The following CEP72 variants were observed in gnomAD, a reference collection of about 807,000 sequenced individuals.
The protein encoded by CEP72 is centrosomal protein of 72 kDa.
In CEP72, 78 loss-of-function variants were observed where a neutral mutation model predicts 65.7. The observed-to-expected ratio is 1.19, with a 90% CI of 0.99 to 1.43. The LOEUF (loss-of-function observed/expected upper bound fraction) is 1.43. Among genes scored for constraint, CEP72 ranks in the 40% most tolerant of loss-of-function variants. CEP72 has a pLI of 0.00. For missense variants in CEP72, 914 were observed against 832.9 expected (o/e 1.10, Z -1.20); for synonymous variants, 358 against 351.7 (o/e 1.02, Z -0.20).
chr5:642,484 A>C, intron 9 of CEP72: 1 of 985,278 alleles, frequency 1.0e-6, no homozygotes, highest in Non-Finnish European at 1.2e-6. Flanking sequence ...TGTGGGACAC[A>C]GTCAGGCACA....
chr5:642,789 G>T (rs575484485), intron 9 of CEP72: 1 of 985,336 alleles, frequency 1.0e-6, no homozygotes. Flanking sequence ...GGGAGCAGCC[G>T]TGCAGGCTGG....
At chr5:612,542 T>A in intron 1 of CEP72, 99 bp downstream of exon 1, 1 of 1,261,146 alleles carries the variant, frequency 7.9e-7, no homozygotes, top group Non-Finnish European at 1.0e-6. Context: ...GCGGGACCCG[T>A]CTACGCAGGC....
chr5:626,053 G>T (rs534959792), intron 4 of CEP72, among the ~76,000 whole-genome samples: 1 of 152,104 alleles, frequency 6.6e-6, no homozygotes, highest in Non-Finnish European at 1.5e-5. Context: ...GGGGGCAGGG[G>T]GGGGCGGCAC....
Position 612,613 on chromosome 5 carries a change from A to AC in CEP72, c.82+176dup, listed in dbSNP as rs572183688. On this transcript the variant is annotated intron_variant, in intron 1 of 11. Transcript: ENST00000264935. ...GCGCGCGTGTCCAGGTGAGCGACCC[A>AC]CCCCCCGTGCCCAGGTGCGGCCCCT... The AC allele has an allele frequency of 3.8e-4, 374 of 985,072 alleles. 2 individuals are homozygous for AC. In the African/African-American group the frequency reaches 4.9e-3, roughly 13 times the overall value. The allele number at this position is 985,072 out of a possible 1,614,324, so 61.0% of individuals were successfully genotyped here.
chr5:664,967 C>A (rs1459128837), intron 2 of CEP72: 6 of 1,042,342 alleles, frequency 5.8e-6, no homozygotes, highest in Non-Finnish European at 8.3e-6. Flanking sequence ...GAGGCCTGGG[C>A]CTGGCCGCCC....
chr5:612,525 T>A, intron 1 of CEP72, 82 bp downstream of exon 1: 1 of 1,322,708 alleles, frequency 7.6e-7, no homozygotes, highest in South Asian at 1.9e-5. Flanking sequence ...CGGCGGACCG[T>A]GGGCAGGCGG....
chr5:650,777 CTG>C (rs1176060464), intron 11 of CEP72, among the ~76,000 whole-genome samples: 1 of 48,700 alleles, frequency 2.1e-5, no homozygotes, highest in Non-Finnish European at 3.4e-5. Context: ...TGAGGTGTGA[CTG>C]TGAGGTGTGA....
At position 645,942 on chromosome 5, in the gene CEP72, G is replaced by A. The variant is rs960747491; in HGVS notation, c.1666+1517G>A. Among the ~76,000 whole-genome samples the A allele has an allele frequency of 1.3e-5, 2 of 151,416 alleles. No homozygotes were observed. The highest frequency in any genetic ancestry group is 2.0e-4 in the East Asian group (1 of 5,128). ...TTCGGCTTCGTTACACTGTGTGAGCGTCACTCCTGCTCCCGTTGGCGCCCT... is the reference window on the plus strand; with the variant it reads ...TTCGGCTTCGTTACACTGTGTGAGCATCACTCCTGCTCCCGTTGGCGCCCT... On this transcript the variant is annotated intron_variant, in intron 10 of 11. Coordinates refer to ENST00000264935, the MANE Select transcript of CEP72 (RefSeq NM_018140.4). The surrounding 1 kb of genome is among the most constrained non-coding windows in gnomAD (Gnocchi z 4.0).
downstream of CEP72, among the ~76,000 whole-genome samples, chr5:671,134 C>T (rs554241989): frequency 6.6e-6 from 1 of 152,208 alleles, no homozygotes; most frequent in South Asian, 2.1e-4. Context: ...ACCGAAGGCT[C>T]CCCCCTGCCT....
chr5:639,255 G>A, intron 8 of CEP72, 31 bp downstream of exon 8: 1 of 1,531,512 alleles, frequency 6.5e-7, no homozygotes, highest in Non-Finnish European at 8.8e-7. Context: ...CTCTTGCCCT[G>A]TAGGCAGCGT....
chr5:628,648 CCCCCTTCTTT>C (rs1561037279), intron 4 of CEP72, among the ~76,000 whole-genome samples: 2 of 120,268 alleles, frequency 1.7e-5, no homozygotes, highest in African/African-American at 3.0e-5. Flanking sequence ...CAGGACCCAG[CCCCCTTCTTT>C]GTGCAGCTTC....
Position 644,441 on chromosome 5 carries a change from A to AT in CEP72, c.1666+19dup, listed in dbSNP as rs751809998. On this transcript the variant is annotated intron_variant, in intron 10 of 11. Transcript: ENST00000264935. ...CAGATCGCTGGTAAGTTGATCGTGT[A>AT]TTTGGTCACTTTGTAAACTTTAGGT... 1 of 1,612,628 alleles carries AT rather than the reference A, an allele frequency of 6.2e-7. No individual in the cohort carries two copies. The highest frequency in any genetic ancestry group is 8.5e-7 in the Non-Finnish European group (1 of 1,179,246).
At position 653,072 on chromosome 5, in the gene CEP72, C is replaced by T; in HGVS notation, c.1863C>T (p.His621=). The change falls in exon 12 of 12, where the codon CAC becomes CAT. Residue 621 remains histidine, a synonymous_variant. Transcript: ENST00000264935. ...ACAGAGCCGAGGTGGAGCAGATGCACTGGAGCTACCAGGAGCTCAAGAAGA... is the reference window on the plus strand; with the variant it reads ...ACAGAGCCGAGGTGGAGCAGATGCATTGGAGCTACCAGGAGCTCAAGAAGA... The part of the protein sequence containing the change: ...AQHRAEVEQM[H]WSYQELKKTM... 1 of 1,613,902 alleles carries T rather than the reference C, an allele frequency of 6.2e-7. No individual in the cohort carries two copies. Among genetic ancestry groups the T allele is most frequent in the Non-Finnish European group, 8.5e-7 (1 of 1,180,012 alleles).
intron 4 of CEP72, among the ~76,000 whole-genome samples, chr5:627,512 G>A (rs1172066479): frequency 6.6e-6 from 1 of 152,174 alleles, no homozygotes; most frequent in Non-Finnish European, 1.5e-5. Flanking sequence ...GTCACTGTCT[G>A]TACTGAAAAC....
At chr5:613,877 G>A (rs1735833605) in intron 1 of CEP72, among the ~76,000 whole-genome samples, 2 of 152,198 alleles carry the variant, frequency 1.3e-5, no homozygotes, top group African/African-American at 4.8e-5. Context: ...TAATGTCCAG[G>A]TTATTATCTG....
chr5:639,242 CTGCTCT>C lies in CEP72; in HGVS notation c.1342+22_1342+27del. 6.4e-7 allele frequency: 1 copy of C among 1,555,408 alleles called. No homozygotes were observed. The highest frequency in any genetic ancestry group is 8.7e-7 in the Non-Finnish European group (1 of 1,146,328). ...ATTCCTTGGTGAGTCAGGGCGGCCA[CTGCTCT>C]TGCCCTGTAGGCAGCGTCTGTGTGG... On this transcript the variant is annotated intron_variant, in intron 8 of 11. Coordinates refer to ENST00000264935, the MANE Select transcript of CEP72 (RefSeq NM_018140.4).
At position 635,403 on chromosome 5, in the gene CEP72, A is replaced by G; in HGVS notation, c.723A>G (p.Val241=). Residue 241 remains valine, a synonymous_variant, in exon 6 of 12, where the codon GTA becomes GTG. Transcript: ENST00000264935. ...GACATCTGTTGAGCCCGCAGTTGGT[A>G]CAGTACCAGTGTGGGGACTCTGGGA... ...ESRHLLSPQL[V]QYQCGDSGKQ... 1 of 1,613,624 alleles carries G rather than the reference A, an allele frequency of 6.2e-7. No individual in the cohort carries two copies. The highest frequency in any genetic ancestry group is 8.5e-7 in the Non-Finnish European group (1 of 1,179,490).
chr5:658,044 TG>T (rs1023603389), downstream of CEP72, among the ~76,000 whole-genome samples: 2 of 152,258 alleles, frequency 1.3e-5, no homozygotes, highest in Non-Finnish European at 2.9e-5. Flanking sequence ...TTTTCCATTT[TG>T]GGGGGTATAA....
chr5:637,649 C>A lies in CEP72; in HGVS notation c.1037C>A (p.Ser346Ter). The A allele has an allele frequency of 6.2e-7, 1 of 1,614,010 alleles. No individual in the cohort carries two copies. Among genetic ancestry groups the A allele is most frequent in the South Asian group, 1.1e-5 (1 of 91,084 alleles). Residue 346 changes from serine to a stop codon, truncating the protein, a stop_gained, in exon 7 of 12, where the codon TCG becomes TAG. Coordinates refer to ENST00000264935, the MANE Select transcript of CEP72 (RefSeq NM_018140.4). LOFTEE classifies it high-confidence loss of function. ...CCTGTTGGAAGATTCCAGACGTTTT[C>A]GGACCAGGAGGGTTTGGGCTGCCCG... ...RMPVGRFQTF[S>*]DQEGLGCPER...
Sources: gnomAD v4.1 joint callset for allele counts (sites outside exome capture counted in the v4.1 genomes callset) on GRCh38, gnomAD v4.1.1 for gene constraint, Gnocchi (gnomAD v3.1) non-coding constraint, MANE v1.5 for transcripts, NCBI Gene and HGNC (gene_info 2026-07-23, HGNC 2026-07-21) for gene names.